Variants in FSTL1 observed in about 807,000 individuals in gnomAD.
FSTL1 encodes the protein follistatin like 1, also known as follistatin-related protein 1.
In FSTL1, 24 loss-of-function variants were observed where a neutral mutation model predicts 45.9. That is an observed-to-expected ratio of 0.52 (90% CI 0.38 to 0.74). The LOEUF (loss-of-function observed/expected upper bound fraction) is 0.74, where lower values mean the gene tolerates loss of function less well. Ranked by LOEUF, FSTL1 falls within the 30% of genes least tolerant of loss-of-function variation. The pLI, the probability that FSTL1 is intolerant of heterozygous loss-of-function variation, is 0.00. For missense variants in FSTL1, 340 were observed against 381.8 expected (o/e 0.89, Z 0.91); for synonymous variants, 120 against 137.6 (o/e 0.87, Z 0.89).
intron 2 of FSTL1, among the ~76,000 whole-genome samples, chr3:120,427,819 G>A (rs993246389): frequency 6.6e-6 from 1 of 152,184 alleles, no homozygotes; most frequent in Non-Finnish European, 1.5e-5. Context: ...TTGGTGAAGA[G>A]GAAGATAAGG....
intron 2 of FSTL1, among the ~76,000 whole-genome samples, chr3:120,425,620 TATTA>T (rs1265030159): frequency 2.0e-5 from 3 of 152,242 alleles, no homozygotes; most frequent in Non-Finnish European, 2.9e-5. Context: ...GTAAGAATTC[TATTA>T]ATTAGAAAGC....
rs1390160630 is a variant in FSTL1 at position 120,403,951 on chromosome 3, C to CAAAAACA, written c.582-598_582-597insTGTTTTT. 6.8e-4 allele frequency among the ~76,000 whole-genome samples: 55 copies of CAAAAACA among 80,684 alleles called. 3 individuals are homozygous for CAAAAACA. Among genetic ancestry groups the CAAAAACA allele is most frequent in the Non-Finnish European group, 8.5e-4 (36 of 42,518 alleles). The allele number at this position is 80,684 out of a possible 152,430, so 52.9% of individuals were successfully genotyped here. On this transcript the variant is annotated intron_variant, in intron 7 of 10. Transcript: ENST00000295633. ...AAAAAAAAAAAAAAAAAAACAAAAACAAAACAAAACAAAAACAAAAACAAA... is the reference window on the plus strand; with the variant it reads ...AAAAAAAAAAAAAAAAAAACAAAAACAAAAACAAAAACAAAACAAAAACAAAAACAAA...
At position 120,392,819 on chromosome 3, in the gene FSTL1, C is replaced by T. The variant is rs566819188; in HGVS notation, c.*4133G>A. ...TCTATCTATGCATTCATATTTTTTC[C>T]CTTCCTTCCTTCCCCTTATTTCAGA... On this transcript the variant is annotated 3_prime_UTR_variant, in exon 11 of 11. Transcript: ENST00000295633. 43 of 152,174 alleles carry T rather than the reference C, an allele frequency of 2.8e-4. 1 individual carries two copies. Among genetic ancestry groups the T allele is most frequent in the African/African-American group, 9.9e-4 (41 of 41,516 alleles). The allele number at this position is 152,174 out of a possible 1,614,324, so 9.4% of individuals were successfully genotyped here.
At chr3:120,409,901 C>T in intron 5 of FSTL1, 1 of 345,174 alleles carries the variant, frequency 2.9e-6, no homozygotes, top group Non-Finnish European at 5.2e-6. Context: ...GATTTTGCTG[C>T]TTATGTGAGA....
At chr3:120,425,737 A>G (rs1937365158) in intron 2 of FSTL1, among the ~76,000 whole-genome samples, 1 of 152,180 alleles carries the variant, frequency 6.6e-6, no homozygotes, top group African/African-American at 2.4e-5. Flanking sequence ...GTATACAGTC[A>G]CATGAGGGTG....
intron 2 of FSTL1, among the ~76,000 whole-genome samples, chr3:120,443,449 T>G (rs892086477): frequency 6.7e-6 from 1 of 149,888 alleles, no homozygotes; most frequent in African/African-American, 2.5e-5. Context: ...CTTCTGTAGA[T>G]CCATAAATTA....
At chr3:120,450,628 G>T in intron 2 of FSTL1, 56 bp downstream of exon 2, 1 of 1,240,850 alleles carries the variant, frequency 8.1e-7, no homozygotes, top group Non-Finnish European at 1.1e-6. Context: ...CCCGCCCAGC[G>T]CGCAGACCCA....
In FSTL1 at chr3:120,409,627, G is replaced by A. The variant is rs369259187; in HGVS notation, c.367C>T (p.Arg123Cys). 58 of 1,613,784 alleles carry A rather than the reference G, an allele frequency of 3.6e-5. No individual in the cohort carries two copies. The highest frequency in any genetic ancestry group is 3.1e-4 in the African/African-American group (23 of 74,902). The change falls in exon 6 of 11, where the codon CGT becomes TGT. Residue 123 changes from arginine to cysteine, a missense_variant. Arg to Cys is a radical substitution (Grantham distance 180, BLOSUM62 -3). Coordinates refer to ENST00000295633, the MANE Select transcript of FSTL1 (RefSeq NM_007085.5). The part of the protein sequence containing the change: ...CYQSNRDELR[R>C]RIIQWLEAEI... ...GCTTCCAGCCACTGGATGATGCGAC[G>A]TCGGAGCTCATCACGGTTGGACTGA...
intron 10 of FSTL1, among the ~76,000 whole-genome samples, 189 bp from the exon 11 acceptor site, chr3:120,397,185 C>G (rs1198972940): frequency 2.0e-5 from 3 of 152,172 alleles, no homozygotes; most frequent in Admixed American, 6.5e-5. Context: ...ATGACATGGT[C>G]ATGCAGGGGC....
At chr3:120,409,499 G>A in intron 6 of FSTL1, 33 bp downstream of exon 6, 1 of 1,601,316 alleles carries the variant, frequency 6.2e-7, no homozygotes, top group Non-Finnish European at 8.6e-7. Flanking sequence ...CTTTCTATGG[G>A]CCTGAATAGT....
chr3:120,446,515 T>G (rs922615843), intron 2 of FSTL1, among the ~76,000 whole-genome samples: 2 of 152,238 alleles, frequency 1.3e-5, no homozygotes, highest in African/African-American at 2.4e-5. Context: ...TGCTATGTTT[T>G]ACACCCCAAT....
intron 2 of FSTL1, chr3:120,419,111 G>A (rs1937236071): frequency 6.6e-6 from 1 of 152,282 alleles, no homozygotes; most frequent in Non-Finnish European, 1.5e-5. Context: ...GTCTTGCACA[G>A]CCCAGCACTG....
At chr3:120,434,569 TG>T (rs933281412) in intron 2 of FSTL1, among the ~76,000 whole-genome samples, 13 of 152,240 alleles carry the variant, frequency 8.5e-5, no homozygotes, top group Non-Finnish European at 1.3e-4. Flanking sequence ...GTAAAATGTT[TG>T]GGAAACATTA....
chr3:120,433,198 G>T (rs1000680413), intron 2 of FSTL1, among the ~76,000 whole-genome samples: 1 of 152,154 alleles, frequency 6.6e-6, no homozygotes, highest in Non-Finnish European at 1.5e-5. Flanking sequence ...GATCATGGAA[G>T]GAAACAATAA....
At chr3:120,415,813 T>C (rs1018339955) in intron 3 of FSTL1, 110 bp downstream of exon 3, 2 of 595,514 alleles carry the variant, frequency 3.4e-6, no homozygotes, top group African/African-American at 3.6e-5. Context: ...GGATGAAGAA[T>C]GCTTTTATAA....
At chr3:120,434,159 G>A (rs748364133) in intron 2 of FSTL1, among the ~76,000 whole-genome samples, 50 of 152,170 alleles carry the variant, frequency 3.3e-4, no homozygotes, top group Non-Finnish European at 6.2e-4. Context: ...GGGTGGTGGC[G>A]GTGGGGACAG....
rs16831136 is a variant in FSTL1 at position 120,399,367 on chromosome 3, C to G, written c.882+516G>C. ...TCTGGGAAGGAGACTCTTTGTTAACCCCAGGCTATTTTCTAGCCAGACTGA... is the reference window on the plus strand; with the variant it reads ...TCTGGGAAGGAGACTCTTTGTTAACGCCAGGCTATTTTCTAGCCAGACTGA... On this transcript the variant is annotated intron_variant, in intron 10 of 10. Coordinates refer to ENST00000295633, the MANE Select transcript of FSTL1 (RefSeq NM_007085.5). Among the ~76,000 whole-genome samples the G allele has an allele frequency of 8.7e-4, 132 of 152,260 alleles. 1 individual carries two copies. The East Asian group carries it at 0.024, about 28-fold the overall frequency.
chr3:120,450,890 C>A lies in FSTL1; in HGVS notation c.-1+7G>T, dbSNP rs1412680769. 7.2e-6 allele frequency: 4 copies of A among 556,440 alleles called. No homozygotes were observed. The highest frequency in any genetic ancestry group is 4.8e-5 in the South Asian group (2 of 41,676). 34.5% of individuals were successfully genotyped at this position (556,440 alleles called of 1,614,324 possible). ...TCCGGCCTCCGCGCCGTGCGCCCTG[C>A]GCTCACCGTGGTCTGGTCCAGGTCT... On this transcript the variant is annotated splice_region_variant and intron_variant, in intron 1 of 10. Coordinates refer to ENST00000295633, the MANE Select transcript of FSTL1 (RefSeq NM_007085.5).
At position 120,450,766 on chromosome 3, in the gene FSTL1, G is replaced by A; in HGVS notation, c.1-20C>T. The A allele has an allele frequency of 1.3e-6, 2 of 1,563,170 alleles. No homozygotes were observed. Among genetic ancestry groups the A allele is most frequent in the African/African-American group, 1.4e-5 (1 of 71,088 alleles). On this transcript the variant is annotated intron_variant, in intron 1 of 10. Transcript: ENST00000295633. ...CCACATCTGCGGAAGAGAGAAGAGA[G>A]CGAGTCTGAAGGCGCCGGGCCCCGC...
Sources: allele counts gnomAD v4.1 joint callset (sites outside exome capture counted in the v4.1 genomes callset), GRCh38; gene constraint gnomAD v4.1.1; transcripts MANE v1.5; gene names NCBI Gene and HGNC (gene_info 2026-07-23, HGNC 2026-07-21).